Variants in RAB27A observed in about 807,000 individuals in gnomAD.
RAB27A encodes the protein RAB27A, member RAS oncogene family, also known as ras-related protein Rab-27A.
RAB27A carries 17 observed loss-of-function variants against 20.8 expected under a neutral mutation model. That is an observed-to-expected ratio of 0.82 (90% CI 0.56 to 1.23). The LOEUF is 1.23. RAB27A is among the 50% of genes most tolerant of loss of function. The pLI is 0.00. For missense variants in RAB27A, 277 were observed against 266.7 expected (o/e 1.04, Z -0.27); for synonymous variants, 85 against 92.8 (o/e 0.92, Z 0.48).
intron 2 of RAB27A, among the ~76,000 whole-genome samples, chr15:55,310,192 G>C (rs1181245940): frequency 6.6e-6 from 1 of 152,226 alleles, no homozygotes; most frequent in Non-Finnish European, 1.5e-5. Flanking sequence ...GCTGGGAGAA[G>C]TATCTAGTGA....
chr15:55,231,188 T>C (rs117246747), intron 3 of RAB27A, among the ~76,000 whole-genome samples: 1,544 of 152,316 alleles, frequency 0.01, 12 homozygotes, highest in Non-Finnish European at 0.016. Context: ...ATGATGTATA[T>C]GTACCACATT....
At chr15:55,306,073 C>T (rs1426454436) in intron 2 of RAB27A, among the ~76,000 whole-genome samples, 1 of 152,154 alleles carries the variant, frequency 6.6e-6, no homozygotes, top group East Asian at 1.9e-4. Flanking sequence ...TGAGGTACCA[C>T]AGACAAAAAA....
intron 2 of RAB27A, among the ~76,000 whole-genome samples, chr15:55,310,493 C>T (rs539272467): frequency 3.3e-5 from 5 of 152,250 alleles, no homozygotes; most frequent in African/African-American, 1.2e-4. Context: ...GGGGCATGGA[C>T]GAGGGGGTGG....
At chr15:55,216,932 G>C (rs1283373973) in intron 6 of RAB27A, among the ~76,000 whole-genome samples, 1 of 152,198 alleles carries the variant, frequency 6.6e-6, no homozygotes. Context: ...GATGCTTCTA[G>C]CAGAGCTGTG....
chr15:55,297,756 T>C (rs1239683163), intron 2 of RAB27A, among the ~76,000 whole-genome samples: 1 of 152,206 alleles, frequency 6.6e-6, no homozygotes, highest in Admixed American at 6.5e-5. Flanking sequence ...ATAGTAGTAA[T>C]GGATTGTAAC....
intron 2 of RAB27A, among the ~76,000 whole-genome samples, chr15:55,313,300 C>A (rs1259662654): frequency 6.6e-6 from 1 of 151,960 alleles, no homozygotes; most frequent in Non-Finnish European, 1.5e-5. Flanking sequence ...CAACTATAGT[C>A]GATGAGACGA....
chr15:55,269,903 G>A (rs1897648461), intron 2 of RAB27A: 1 of 152,088 alleles, frequency 6.6e-6, no homozygotes, highest in African/African-American at 2.4e-5. Flanking sequence ...TTTCCTGAAA[G>A]TAAAAACCTA....
At chr15:55,295,955 G>C (rs117457472) in intron 2 of RAB27A, among the ~76,000 whole-genome samples, 2 of 150,342 alleles carry the variant, frequency 1.3e-5, no homozygotes, top group South Asian at 4.2e-4. Flanking sequence ...AGAGTGCAGC[G>C]GTGTGACCTC....
At chr15:55,261,259 C>T (rs1014442623) in intron 2 of RAB27A, among the ~76,000 whole-genome samples, 1 of 150,516 alleles carries the variant, frequency 6.6e-6, no homozygotes, top group Non-Finnish European at 1.5e-5. Context: ...TAGCCAGGCG[C>T]GGTGGCAGGC....
At chr15:55,212,692 T>G (rs1306319085) in intron 6 of RAB27A, among the ~76,000 whole-genome samples, 1 of 151,836 alleles carries the variant, frequency 6.6e-6, no homozygotes, top group African/African-American at 2.4e-5. Flanking sequence ...ACCACGCCCG[T>G]TTAATTTTTT....
chr15:55,208,863 TATAA>T (rs1894780497), intron 6 of RAB27A, among the ~76,000 whole-genome samples: 1 of 152,310 alleles, frequency 6.6e-6, no homozygotes, highest in Admixed American at 6.5e-5. Context: ...ATTGAGATTC[TATAA>T]ATAAAGGCAT....
intron 2 of RAB27A, among the ~76,000 whole-genome samples, chr15:55,253,821 T>TTC (rs1423807807): frequency 6.6e-6 from 1 of 151,158 alleles, no homozygotes; most frequent in Non-Finnish European, 1.5e-5. Flanking sequence ...GCAAAGAGAC[T>TTC]ATGAATCAGC....
intron 1 of RAB27A, chr15:55,270,521 G>A (rs770067143): frequency 3.3e-5 from 5 of 152,092 alleles, no homozygotes; most frequent in African/African-American, 4.8e-5. Flanking sequence ...CTCAGAGGGC[G>A]GCTTTATTAA....
intron 6 of RAB27A, among the ~76,000 whole-genome samples, chr15:55,220,809 T>C (rs914521961): frequency 6.6e-6 from 1 of 152,218 alleles, no homozygotes; most frequent in Non-Finnish European, 1.5e-5. Context: ...TTATATGCCA[T>C]ATTTGTGAAA....
chr15:55,259,337 G>T (rs963750372), intron 2 of RAB27A, among the ~76,000 whole-genome samples: 3 of 151,596 alleles, frequency 2.0e-5, no homozygotes, highest in Non-Finnish European at 4.4e-5. Context: ...TCTCACTCCA[G>T]TGCAATGGCA....
intron 2 of RAB27A, among the ~76,000 whole-genome samples, chr15:55,305,232 A>C (rs990550753): frequency 6.6e-6 from 1 of 152,142 alleles, no homozygotes; most frequent in Non-Finnish European, 1.5e-5. Flanking sequence ...GGAAAACCCA[A>C]GTGCTTTTGG....
At position 55,285,495 on chromosome 15, in the gene RAB27A, C is replaced by T. The variant is rs1213035941; in HGVS notation, c.-143+4221G>A. ...TCTCTACTCCACACACCTTACCCTA[C>T]GAACATAAGTAAATTACAAACCCTT... On this transcript the variant is annotated intron_variant, in intron 1 of 6. Transcript: ENST00000336787. Among the ~76,000 whole-genome samples, 6 of 152,140 alleles carry T rather than the reference C, an allele frequency of 3.9e-5. No homozygotes were observed. In the South Asian group the frequency reaches 6.2e-4, roughly 16 times the overall value.
intron 2 of RAB27A, among the ~76,000 whole-genome samples, chr15:55,304,326 G>A (rs1018114629): frequency 1.3e-4 from 19 of 151,130 alleles, no homozygotes; most frequent in Non-Finnish European, 1.2e-4. Flanking sequence ...CAAACACTGC[G>A]GAAGGCCGCA....
At chr15:55,315,589 T>C (rs543482101) in intron 1 of RAB27A, among the ~76,000 whole-genome samples, 1 of 151,962 alleles carries the variant, frequency 6.6e-6, no homozygotes, top group East Asian at 1.9e-4. Context: ...AAAAAGTGAG[T>C]GAAGGATATG....
Sources: allele counts gnomAD v4.1 joint callset (sites outside exome capture counted in the v4.1 genomes callset), GRCh38; gene constraint gnomAD v4.1.1; transcripts MANE v1.5; gene names NCBI Gene and HGNC (gene_info 2026-07-23, HGNC 2026-07-21).